Variants in IQGAP2 observed in about 807,000 individuals in gnomAD.
The protein encoded by IQGAP2 is ras GTPase-activating-like protein IQGAP2.
IQGAP2 carries 173 observed loss-of-function variants against 201.3 expected under a neutral mutation model. The ratio of observed to expected loss-of-function variants is 0.86; its 90% CI spans 0.76 to 0.98. The LOEUF (loss-of-function observed/expected upper bound fraction) is 0.98. Ranked by LOEUF, IQGAP2 falls within the 50% of genes least tolerant of loss-of-function variation. IQGAP2 has a pLI of 0.00. For missense variants in IQGAP2, 1,687 were observed against 1,864.8 expected, an observed-to-expected ratio of 0.90 and a Z score of 1.76; for synonymous variants, 675 against 673.9, an observed-to-expected ratio of 1.00 and a Z score of -0.03.
intron 1 of IQGAP2, among the ~76,000 whole-genome samples, chr5:76,426,844 T>C (rs11749318): frequency 0.4 from 60,050 of 151,700 alleles, 13,380 homozygotes; most frequent in East Asian, 0.53. Flanking sequence ...CCCTCCATCC[T>C]TGGCTGTCAC....
intron 1 of IQGAP2, among the ~76,000 whole-genome samples, chr5:76,445,665 A>T (rs1028063639): frequency 6.6e-6 from 1 of 152,030 alleles, no homozygotes; most frequent in Admixed American, 6.6e-5. Flanking sequence ...GGGTTTCACC[A>T]TGTTGGCCAG....
At chr5:76,609,215 A>T (rs557130500) in intron 12 of IQGAP2, 17 of 1,535,814 alleles carry the variant, frequency 1.1e-5, no homozygotes, top group Non-Finnish European at 1.5e-5. Flanking sequence ...CCATTTTTGG[A>T]TGGGGTGTTT....
chr5:76,538,791 C>T (rs927438182), intron 2 of IQGAP2, among the ~76,000 whole-genome samples: 1 of 152,198 alleles, frequency 6.6e-6, no homozygotes, highest in Non-Finnish European at 1.5e-5. Flanking sequence ...CTGTGCCTCT[C>T]CTACTCTCTC....
chr5:76,487,665 A>G (rs1167118690), intron 2 of IQGAP2, among the ~76,000 whole-genome samples: 2 of 151,938 alleles, frequency 1.3e-5, no homozygotes, highest in African/African-American at 4.8e-5. Flanking sequence ...AGGCACATGT[A>G]TGTGCTTTTT....
intron 1 of IQGAP2, among the ~76,000 whole-genome samples, chr5:76,450,680 G>T (rs1331216543): frequency 6.6e-6 from 1 of 152,138 alleles, no homozygotes; most frequent in African/African-American, 2.4e-5. Flanking sequence ...GGCACCATAT[G>T]CAGTGTTTTA....
intron 1 of IQGAP2, among the ~76,000 whole-genome samples, chr5:76,424,865 A>G (rs1751911675): frequency 6.6e-6 from 1 of 152,154 alleles, no homozygotes; most frequent in African/African-American, 2.4e-5. Flanking sequence ...TGGAACAACA[A>G]ATATAAAGCA....
intron 15 of IQGAP2, among the ~76,000 whole-genome samples, chr5:76,634,272 T>C (rs1013532931): frequency 3.9e-5 from 6 of 152,040 alleles, no homozygotes; most frequent in Non-Finnish European, 8.8e-5. Flanking sequence ...TTTTTTTTTT[T>C]TCTTTTCGAG....
chr5:76,447,061 T>C (rs77891660), intron 1 of IQGAP2, among the ~76,000 whole-genome samples: 2,464 of 152,338 alleles, frequency 0.016, 30 homozygotes, highest in Admixed American at 0.028. Context: ...GGTAGTAACA[T>C]GGGGCATAGC....
intron 14 of IQGAP2, among the ~76,000 whole-genome samples, chr5:76,629,456 C>T (rs982919926): frequency 2.1e-4 from 32 of 152,216 alleles, no homozygotes; most frequent in African/African-American, 7.0e-4. Context: ...TCATTTTGGC[C>T]TAGTGTTCAC....
intron 2 of IQGAP2, among the ~76,000 whole-genome samples, chr5:76,547,980 T>A (rs1743197498): frequency 6.6e-6 from 1 of 152,206 alleles, no homozygotes; most frequent in African/African-American, 2.4e-5. Context: ...GTGTGATAAA[T>A]CCTTGGTAGC....
intron 21 of IQGAP2, among the ~76,000 whole-genome samples, chr5:76,663,167 A>G (rs1210491313): frequency 6.6e-6 from 1 of 152,220 alleles, no homozygotes; most frequent in Non-Finnish European, 1.5e-5. Flanking sequence ...GGGCGGGCCC[A>G]TGTCCGCTTG....
chr5:76,673,316 G>T, intron 24 of IQGAP2, 133 bp from the exon 25 acceptor site: 3 of 838,386 alleles, frequency 3.6e-6, no homozygotes, highest in Non-Finnish European at 5.3e-6. Flanking sequence ...CCCTCATTTA[G>T]TAAACATTTT....
intron 11 of IQGAP2, among the ~76,000 whole-genome samples, chr5:76,605,433 G>C (rs1030304344): frequency 6.6e-5 from 10 of 152,202 alleles, no homozygotes; most frequent in African/African-American, 2.4e-4. Context: ...GGGCTCAAAC[G>C]ATCCTCTCAC....
At chr5:76,554,089 G>A (rs1330992786) in intron 2 of IQGAP2, among the ~76,000 whole-genome samples, 1 of 152,150 alleles carries the variant, frequency 6.6e-6, no homozygotes, top group Non-Finnish European at 1.5e-5. Flanking sequence ...CAATAAAGGT[G>A]CCAAGACAGT....
chr5:76,591,396 G>A (rs938989330), intron 8 of IQGAP2, among the ~76,000 whole-genome samples: 4 of 150,646 alleles, frequency 2.7e-5, no homozygotes, highest in African/African-American at 7.3e-5. Flanking sequence ...GCTCCTAATC[G>A]TAACTCCATT....
chr5:76,425,972 C>A (rs1177504233), intron 1 of IQGAP2, among the ~76,000 whole-genome samples: 1 of 152,144 alleles, frequency 6.6e-6, no homozygotes, highest in African/African-American at 2.4e-5. Context: ...AGTTTCAGAG[C>A]AGGTTTTCCC....
intron 2 of IQGAP2, among the ~76,000 whole-genome samples, chr5:76,561,134 A>G (rs1744336782): frequency 6.6e-6 from 1 of 152,220 alleles, no homozygotes; most frequent in African/African-American, 2.4e-5. Flanking sequence ...ACGATATGCA[A>G]TTAAAAACTC....
Position 76,668,843 on chromosome 5 carries a change from A to G in IQGAP2, c.2842A>G (p.Lys948Glu), listed in dbSNP as rs1424318147. The change falls in exon 23 of 36, where the codon AAA (lysine) becomes GAA (glutamate). Residue 948 changes from lysine (K) to glutamate (E), a missense_variant and splice_region_variant. By Grantham distance (56) the Lys-to-Glu change is moderately conservative. Coordinates refer to ENST00000274364, the MANE Select transcript of IQGAP2 (RefSeq NM_006633.5). ...TAAAACTGCTCTGGAGGAAGAAATA[A>G]AGTATGTATACAAATATGTATGTAA... is the stretch of plus-strand genomic sequence containing the variant. ...LFKTALEEEI[K>E]SKVDQVQDIV... 4.4e-6 allele frequency: 7 copies of G among 1,576,102 alleles called. No homozygotes were observed. The highest frequency in any genetic ancestry group is 6.1e-6 in the Non-Finnish European group (7 of 1,156,552).
At chr5:76,405,383 G>A (rs1750738905) in intron 1 of IQGAP2, among the ~76,000 whole-genome samples, 2 of 152,128 alleles carry the variant, frequency 1.3e-5, no homozygotes, top group Admixed American at 1.3e-4. Context: ...TAAGGGGGTG[G>A]TGTGCCATCT....
Sources: allele counts gnomAD v4.1 joint callset (sites outside exome capture counted in the v4.1 genomes callset), GRCh38; gene constraint gnomAD v4.1.1; transcripts MANE v1.5; gene names NCBI Gene and HGNC (gene_info 2026-07-23, HGNC 2026-07-21).